Variants in ZDHHC15 observed in about 807,000 individuals in gnomAD.
ZDHHC15 encodes the protein palmitoyltransferase ZDHHC15.
In ZDHHC15, 19 loss-of-function variants were observed where a neutral mutation model predicts 31.7. The ratio of observed to expected loss-of-function variants is 0.60; its 90% CI spans 0.42 to 0.88. The LOEUF (loss-of-function observed/expected upper bound fraction) is 0.88. ZDHHC15 is among the 40% of genes least tolerant of loss of function. ZDHHC15 has a pLI of 0.00. For synonymous variants in ZDHHC15, 103 were observed against 90.0 expected, an observed-to-expected ratio of 1.14 and a Z score of -0.82; for missense variants, 209 against 251.2, an observed-to-expected ratio of 0.83 and a Z score of 1.14.
At chrX:75,485,786 T>C (rs1485545393) in intron 2 of ZDHHC15, among the ~76,000 whole-genome samples, 1 of 112,679 alleles carries the variant, frequency 8.9e-6, no homozygotes. Flanking sequence ...TCCGTAACTC[T>C]GTAGTGACTA....
intron 2 of ZDHHC15, among the ~76,000 whole-genome samples, chrX:75,491,858 C>T (rs1229800197): frequency 8.1e-5 from 9 of 111,225 alleles, no homozygotes; most frequent in South Asian, 3.8e-4. Context: ...TAAAGTCCAT[C>T]GAGGCAAGGA....
chrX:75,519,770 A>T (rs2085418010), intron 1 of ZDHHC15, among the ~76,000 whole-genome samples: 2 of 112,156 alleles, frequency 1.8e-5, no homozygotes, highest in African/African-American at 6.5e-5. Flanking sequence ...GTGTGGCCTT[A>T]GGAAAATTTG....
chrX:75,456,056 A>G (rs752407653), intron 3 of ZDHHC15, among the ~76,000 whole-genome samples: 3 of 111,907 alleles, frequency 2.7e-5, no homozygotes, highest in South Asian at 7.5e-4. Flanking sequence ...ACACACATGT[A>G]TGTTTATTGT....
intron 1 of ZDHHC15, among the ~76,000 whole-genome samples, chrX:75,514,184 C>T (rs1000806543): frequency 8.9e-6 from 1 of 112,612 alleles, no homozygotes; most frequent in South Asian, 3.6e-4. Flanking sequence ...AAAATAAGAA[C>T]ACTGGTAAAC....
intron 4 of ZDHHC15, among the ~76,000 whole-genome samples, chrX:75,445,020 T>C (rs1343009568): frequency 4.6e-5 from 5 of 109,857 alleles, no homozygotes; most frequent in Non-Finnish European, 7.6e-5. Context: ...GCTTATACTT[T>C]GGGCTCAAAG....
At chrX:75,428,836 C>T (rs1282233064) in intron 7 of ZDHHC15, among the ~76,000 whole-genome samples, 1 of 111,626 alleles carries the variant, frequency 9.0e-6, no homozygotes, top group East Asian at 2.8e-4. Context: ...AGATTAGGTA[C>T]CCAAAGGCCT....
chrX:75,405,102 T>C (rs1031006470), intron 10 of ZDHHC15, among the ~76,000 whole-genome samples: 14 of 111,949 alleles, frequency 1.3e-4, no homozygotes, highest in African/African-American at 4.5e-4. Flanking sequence ...CTGGAGGCTA[T>C]CATCCTTAGC....
intron 7 of ZDHHC15, 38 bp from the exon 8 acceptor site, chrX:75,424,822 G>A: frequency 8.8e-7 from 1 of 1,142,440 alleles, no homozygotes; most frequent in Non-Finnish European, 1.2e-6. Flanking sequence ...AGATTAAAGT[G>A]GAAACGGATG....
intron 4 of ZDHHC15, among the ~76,000 whole-genome samples, chrX:75,447,397 C>T (rs1428558406): frequency 2.7e-5 from 3 of 112,571 alleles, no homozygotes; most frequent in Non-Finnish European, 3.8e-5. Context: ...CACAGCATTA[C>T]ATCTGATCAA....
chrX:75,431,444 C>T lies in ZDHHC15; in HGVS notation c.449+7G>A. On this transcript the variant is annotated splice_region_variant and intron_variant, in intron 5 of 11. Coordinates refer to ENST00000373367, the MANE Select transcript of ZDHHC15 (RefSeq NM_144969.3). ...CCCAGCCCAGGGGAAATATGGCCGTCACTTACATAGCACAGACAGAGCAGT... is the reference window on the plus strand; with the variant it reads ...CCCAGCCCAGGGGAAATATGGCCGTTACTTACATAGCACAGACAGAGCAGT... The T allele has an allele frequency of 3.3e-6, 4 of 1,203,926 alleles. No individual in the cohort carries two copies. Among genetic ancestry groups the T allele is most frequent in the Admixed American group, 4.4e-5 (2 of 45,287 alleles).
At chrX:75,436,980 C>T (rs1323686674) in intron 4 of ZDHHC15, among the ~76,000 whole-genome samples, 1 of 111,918 alleles carries the variant, frequency 8.9e-6, no homozygotes, top group African/African-American at 3.3e-5. Context: ...CTCCTGGGTT[C>T]ACGCCATTCT....
intron 1 of ZDHHC15, among the ~76,000 whole-genome samples, chrX:75,506,678 G>A (rs1400021019): frequency 8.9e-6 from 1 of 112,285 alleles, no homozygotes; most frequent in Non-Finnish European, 1.9e-5. Flanking sequence ...AATGGAAGTG[G>A]AAATGAAGCA....
At chrX:75,477,910 T>C (rs1177824623) in intron 3 of ZDHHC15, among the ~76,000 whole-genome samples, 4 of 111,650 alleles carry the variant, frequency 3.6e-5, no homozygotes, top group Admixed American at 9.5e-5. Flanking sequence ...ATTTTCTTCA[T>C]ATCTCATATC....
At chrX:75,405,781 A>G (rs1450662675) in intron 10 of ZDHHC15, among the ~76,000 whole-genome samples, 1 of 111,937 alleles carries the variant, frequency 8.9e-6, no homozygotes, top group African/African-American at 3.2e-5. Flanking sequence ...ATCAACAAAG[A>G]TATCAGAATT....
At chrX:75,479,967 T>C (rs1164304284) in intron 2 of ZDHHC15, among the ~76,000 whole-genome samples, 2 of 111,694 alleles carry the variant, frequency 1.8e-5, no homozygotes, top group South Asian at 3.8e-4. Flanking sequence ...CTTTGCCTTT[T>C]AGATAGCTCT....
At chrX:75,386,768 C>A (rs1232900349) in intron 10 of ZDHHC15, among the ~76,000 whole-genome samples, 1 of 111,944 alleles carries the variant, frequency 8.9e-6, no homozygotes, top group Non-Finnish European at 1.9e-5. Flanking sequence ...TGAGCCACTG[C>A]ACCTGGCCAG....
At chrX:75,438,286 T>C (rs1316286063) in intron 4 of ZDHHC15, among the ~76,000 whole-genome samples, 1 of 111,948 alleles carries the variant, frequency 8.9e-6, no homozygotes, top group African/African-American at 3.2e-5. Context: ...TATTATTGTG[T>C]TGCCATCTAT....
chrX:75,424,722 C>T lies in ZDHHC15; in HGVS notation c.666G>A (p.Met222Ile). 8.3e-7 allele frequency: 1 copy of T among 1,207,705 alleles called. No homozygotes were observed. The highest frequency in any genetic ancestry group is 1.1e-6 in the Non-Finnish European group (1 of 893,535). ...HVLFLLFVAC[M>I]FFVSLVILFG... is the part of the protein sequence containing the mutation. ...AGAGAATCACAAGGCTGACAAAAAA[C>T]ATGCAGGCCACAAAGAGAAGAAAAA... Residue 222 changes from methionine (M) to isoleucine (I), a missense_variant, in exon 8 of 12, where the codon ATG (methionine) becomes ATA (isoleucine). Met to Ile is a conservative substitution (Grantham distance 10). Coordinates refer to ENST00000373367, the MANE Select transcript of ZDHHC15 (RefSeq NM_144969.3).
intron 3 of ZDHHC15, among the ~76,000 whole-genome samples, chrX:75,478,332 C>T (rs1016554001): frequency 2.0e-4 from 22 of 111,101 alleles, no homozygotes; most frequent in African/African-American, 6.9e-4. Context: ...GCCTCAGAGT[C>T]CAAGTGGGTT....
Sources: allele counts gnomAD v4.1 joint callset (sites outside exome capture counted in the v4.1 genomes callset), GRCh38; gene constraint gnomAD v4.1.1; transcripts MANE v1.5; gene names NCBI Gene and HGNC (gene_info 2026-07-23, HGNC 2026-07-21).